Variants in PNPLA5 observed in about 807,000 individuals in gnomAD.
PNPLA5 encodes the protein patatin like domain 5, triacylglycerol lipase.
A neutral mutation model predicts 49.1 loss-of-function variants in PNPLA5; 44 were observed. The observed-to-expected ratio is 0.90, with a 90% CI of 0.70 to 1.15. PNPLA5 has a LOEUF of 1.15. PNPLA5 is among the 50% of genes most tolerant of loss of function. The probability of loss-of-function intolerance (pLI) is 0.00; values close to 1 mark genes in which losing one functional copy is unlikely to be tolerated. For synonymous variants in PNPLA5, 243 were observed against 244.4 expected, an observed-to-expected ratio of 0.99 and a Z score of 0.06; for missense variants, 603 against 564.0, an observed-to-expected ratio of 1.07 and a Z score of -0.70.
Position 43,880,420 on chromosome 22 carries a change from C to T in PNPLA5, c.*375G>A, listed in dbSNP as rs1308275851. The T allele has an allele frequency of 3.2e-4, 128 of 398,758 alleles. No individual in the cohort carries two copies. The East Asian group carries it at 3.5e-3, about 11-fold the overall frequency. The allele number at this position is 398,758 out of a possible 1,614,324, so 24.7% of individuals were successfully genotyped here. On this transcript the variant is annotated 3_prime_UTR_variant, in exon 9 of 9. Coordinates refer to ENST00000216177, the MANE Select transcript of PNPLA5 (RefSeq NM_138814.4). Reference sequence around the variant, plus strand: ...CAGTTGGCTCCTCTGGTCTCTGACGCGGGCATCAGGCACTTTCTCAATCTT... The same window carrying T: ...CAGTTGGCTCCTCTGGTCTCTGACGTGGGCATCAGGCACTTTCTCAATCTT...
chr22:43,884,095 C>T (rs1487189474), intron 7 of PNPLA5, 118 bp downstream of exon 7: 10 of 855,486 alleles, frequency 1.2e-5, no homozygotes, highest in South Asian at 5.7e-5. Flanking sequence ...GGACACCAGC[C>T]GGGCTCCCCC....
chr22:43,882,400 C>T (rs1297659116), intron 7 of PNPLA5, among the ~76,000 whole-genome samples: 19 of 152,228 alleles, frequency 1.2e-4, no homozygotes. Flanking sequence ...AGACACTGGC[C>T]ACTGCAGGGC....
At chr22:43,885,393 C>T (rs1344752082) in intron 6 of PNPLA5, among the ~76,000 whole-genome samples, 1 of 151,236 alleles carries the variant, frequency 6.6e-6, no homozygotes, top group East Asian at 2.0e-4. Flanking sequence ...CCTCTTCCCA[C>T]CCAGCTGGGT....
Position 43,891,859 on chromosome 22 carries a change from C to T in PNPLA5, c.22G>A (p.Gly8Ser). ...CCGGAGAAGGACAGGTTCCATCTGC[C>T]CTCCTCCTCTAAGAAGCCCATGGCG... MGFLEEE[G>S]RWNLSFSGAG... Residue 8 changes from glycine to serine, a missense_variant, in exon 1 of 9, where the codon GGC becomes AGC. Physicochemically the swap from Gly to Ser is moderately conservative, Grantham distance 56. Transcript: ENST00000216177. 3.3e-6 allele frequency: 5 copies of T among 1,519,002 alleles called. No homozygotes were observed. The highest frequency in any genetic ancestry group is 3.5e-6 in the Non-Finnish European group (4 of 1,138,914). 94.1% of individuals were successfully genotyped at this position (1,519,002 alleles called of 1,614,324 possible).
At chr22:43,885,970 A>C (rs976468390) in intron 6 of PNPLA5, among the ~76,000 whole-genome samples, 44 of 152,216 alleles carry the variant, frequency 2.9e-4, no homozygotes, top group Non-Finnish European at 8.8e-5. Context: ...TTTCCGGGGC[A>C]GTGGGCAAAG....
At position 43,880,546 on chromosome 22, in the gene PNPLA5, ATG is replaced by A. The variant is rs964099444; in HGVS notation, c.*247_*248del. The A allele has an allele frequency of 3.4e-6, 1 of 295,564 alleles. No individual in the cohort carries two copies. The highest frequency in any genetic ancestry group is 3.0e-5 in the African/African-American group (1 of 33,502). 18.3% of individuals were successfully genotyped at this position (295,564 alleles called of 1,614,324 possible). A position where few individuals can be genotyped will look rare whatever the true frequency, so the allele number is the denominator to read the frequency against. ...CCCGTGGAAATTCTGAAAGTAAGAC[ATG>A]TGTCTCTGTGGCTGTCCTCCTTTCT... is the stretch of plus-strand genomic sequence containing the variant. On this transcript the variant is annotated 3_prime_UTR_variant, in exon 9 of 9. Transcript: ENST00000216177.
At position 43,880,847 on chromosome 22, in the gene PNPLA5, T is replaced by C. The variant is rs768931600; in HGVS notation, c.1238A>G (p.Gln413Arg). 6.0e-6 allele frequency: 8 copies of C among 1,338,146 alleles called. No homozygotes were observed. The South Asian group carries it at 2.1e-4, about 35-fold the overall frequency. 82.9% of individuals were successfully genotyped at this position (1,338,146 alleles called of 1,614,324 possible). The change falls in exon 9 of 9, where the codon CAA becomes CGA. Residue 413 changes from glutamine to arginine, a missense_variant. Physicochemically the swap from Gln to Arg is conservative, Grantham distance 43 (BLOSUM62 1). Coordinates refer to ENST00000216177, the MANE Select transcript of PNPLA5 (RefSeq NM_138814.4). ...CTCTCTATGAGGAGCTATCTGGGGT[T>C]GGAGGGGGCTTGTTTCCAGGACGCG... ...ATRVLETSPLQPQIAPHREEL... is the reference protein window; with the variant it reads ...ATRVLETSPLRPQIAPHREEL...
At chr22:43,885,920 T>C (rs977685126) in intron 6 of PNPLA5, among the ~76,000 whole-genome samples, 1 of 152,170 alleles carries the variant, frequency 6.6e-6, no homozygotes, top group African/African-American at 2.4e-5. Flanking sequence ...TCCAGAACCC[T>C]CTGTGTGTGC....
intron 7 of PNPLA5, 98 bp downstream of exon 7, chr22:43,884,115 G>T: frequency 2.5e-6 from 1 of 404,866 alleles, no homozygotes. Flanking sequence ...CCACCCCGCC[G>T]AGCCCTACCC....
chr22:43,890,763 G>A (rs1402786475), intron 2 of PNPLA5, among the ~76,000 whole-genome samples: 1 of 152,208 alleles, frequency 6.6e-6, no homozygotes, highest in Non-Finnish European at 1.5e-5. Context: ...ATGGAGTGGG[G>A]TGGAGGCTGG....
Position 43,880,812 on chromosome 22 carries a change from G to A in PNPLA5, c.1273C>T (p.Pro425Ser). The A allele has an allele frequency of 7.5e-7, 1 of 1,340,074 alleles. No homozygotes were observed. The allele number at this position is 1,340,074 out of a possible 1,614,324, so 83.0% of individuals were successfully genotyped here. A position where few individuals can be genotyped will look rare whatever the true frequency, so the allele number is the denominator to read the frequency against. Reference sequence around the variant, plus strand: ...CGGCCCCCTCAGGCCTGGTGGGTGGGCCCGAGCTCCTCTCTATGAGGAGCT... The same window carrying A: ...CGGCCCCCTCAGGCCTGGTGGGTGGACCCGAGCTCCTCTCTATGAGGAGCT... Reference protein sequence around the residue: ...QIAPHREELGPTHQA With the variant: ...QIAPHREELGSTHQA Residue 425 changes from proline (P) to serine (S), a missense_variant, in exon 9 of 9, where the codon CCC becomes TCC. Physicochemically the swap from Pro to Ser is moderately conservative, Grantham distance 74 (BLOSUM62 -1). Coordinates refer to ENST00000216177, the MANE Select transcript of PNPLA5 (RefSeq NM_138814.4).
chr22:43,889,556 C>A lies in PNPLA5; in HGVS notation c.493-18G>T. ...ATGTAGCGCTGCAATTTGTGGGGAGCAGGTGGGTGGTGCTGCCCTCTCAGA... is the reference window on the plus strand; with the variant it reads ...ATGTAGCGCTGCAATTTGTGGGGAGAAGGTGGGTGGTGCTGCCCTCTCAGA... On this transcript the variant is annotated intron_variant, in intron 3 of 8. Coordinates refer to ENST00000216177, the MANE Select transcript of PNPLA5 (RefSeq NM_138814.4). The A allele has an allele frequency of 7.6e-6, 12 of 1,587,720 alleles. No homozygotes were observed. Among genetic ancestry groups the A allele is most frequent in the South Asian group, 1.2e-5 (1 of 86,884 alleles).
chr22:43,890,473 G>A (rs1393602742), intron 2 of PNPLA5, among the ~76,000 whole-genome samples: 7 of 152,196 alleles, frequency 4.6e-5, no homozygotes, highest in Admixed American at 6.5e-5. Flanking sequence ...GAGCGTGCGC[G>A]TACACACTAT....
At position 43,889,428 on chromosome 22, in the gene PNPLA5, G is replaced by C; in HGVS notation, c.603C>G (p.Ser201=). The change falls in exon 4 of 9, where the codon TCC becomes TCG. Residue 201 remains serine, a synonymous_variant. Transcript: ENST00000216177. Reference sequence around the variant, plus strand: ...AGACGTTCAGCTCATGCAGGTTGGGGGAGGTGCTCTGGGGGCAGATGTCCA... The same window carrying C: ...AGACGTTCAGCTCATGCAGGTTGGGCGAGGTGCTCTGGGGGCAGATGTCCA... ...GTVDICPQST[S]PNLHELNVFN... 1 of 1,614,164 alleles carries C rather than the reference G, an allele frequency of 6.2e-7. No individual in the cohort carries two copies. Among genetic ancestry groups the C allele is most frequent in the Non-Finnish European group, 8.5e-7 (1 of 1,180,028 alleles).
chr22:43,887,905 C>T (rs754015124), intron 4 of PNPLA5, among the ~76,000 whole-genome samples: 1 of 152,240 alleles, frequency 6.6e-6, no homozygotes, highest in Non-Finnish European at 1.5e-5. Flanking sequence ...CATCTCCCCC[C>T]TGAGACACCC....
chr22:43,889,649 C>G, intron 3 of PNPLA5, 111 bp from the exon 4 acceptor site: 2 of 1,525,928 alleles, frequency 1.3e-6, no homozygotes, highest in Non-Finnish European at 1.8e-6. Flanking sequence ...CCACTCCAGC[C>G]CAGGAGGCTG....
intron 8 of PNPLA5, 48 bp downstream of exon 8, chr22:43,881,510 C>G: frequency 6.6e-7 from 1 of 1,525,904 alleles, no homozygotes; most frequent in East Asian, 2.5e-5. Flanking sequence ...GGTGCGTTCC[C>G]CCCAGCACAG....
At chr22:43,886,188 A>C (rs893644341) in intron 6 of PNPLA5, 115 bp downstream of exon 6, 1 of 1,186,262 alleles carries the variant, frequency 8.4e-7, no homozygotes, top group African/African-American at 1.5e-5. Flanking sequence ...GTAGGTGCTC[A>C]GTAAATGAGT....
Position 43,889,441 on chromosome 22 carries a change from G to GGGCAGAT in PNPLA5, c.583_589dup (p.Pro197HisfsTer12). Reference sequence around the variant, plus strand: ...ATGCAGGTTGGGGGAGGTGCTCTGGGGGCAGATGTCCACTGTCCCATGGAA... The same window carrying GGGCAGAT: ...ATGCAGGTTGGGGGAGGTGCTCTGGGGGCAGATGGCAGATGTCCACTGTCCCATGGAA... On this transcript the variant is annotated frameshift_variant, in exon 4 of 9. Transcript: ENST00000216177. LOFTEE classifies it high-confidence loss of function. 3 of 1,614,132 alleles carry GGGCAGAT rather than the reference G, an allele frequency of 1.9e-6. No individual in the cohort carries two copies. Among genetic ancestry groups the GGGCAGAT allele is most frequent in the Non-Finnish European group, 1.7e-6 (2 of 1,180,014 alleles).
Sources: allele counts gnomAD v4.1 joint callset (sites outside exome capture counted in the v4.1 genomes callset), GRCh38; gene constraint gnomAD v4.1.1; transcripts MANE v1.5; gene names NCBI Gene and HGNC (gene_info 2026-07-23, HGNC 2026-07-21).